The following ASCC3 variants were observed in gnomAD, a reference collection of about 807,000 sequenced individuals.
The protein encoded by ASCC3 is ASC-1 complex subunit P200.
Under a neutral mutation model 256.3 loss-of-function variants are expected in ASCC3, and 158 were observed. The ratio of observed to expected loss-of-function variants is 0.62; its 90% CI spans 0.54 to 0.70. The LOEUF (loss-of-function observed/expected upper bound fraction) is 0.70. ASCC3 is among the 30% of genes least tolerant of loss of function. ASCC3 has a pLI of 0.00. For synonymous variants in ASCC3, 948 were observed against 883.4 expected (o/e 1.07, Z -1.30); for missense variants, 2,259 against 2,626.0 (o/e 0.86, Z 3.05).
chr6:100,672,285 C>T (rs1380923390), intron 14 of ASCC3, among the ~76,000 whole-genome samples: 1 of 151,826 alleles, frequency 6.6e-6, no homozygotes. Context: ...CTACTTTTTC[C>T]TCCCTAAAAA....
At chr6:100,615,950 C>T (rs1427097841) in intron 30 of ASCC3, among the ~76,000 whole-genome samples, 1 of 152,112 alleles carries the variant, frequency 6.6e-6, no homozygotes, top group African/African-American at 2.4e-5. Context: ...GAATTTTGTA[C>T]CATGAACTAA....
intron 4 of ASCC3, among the ~76,000 whole-genome samples, chr6:100,820,385 G>T (rs1484314191): frequency 6.6e-6 from 1 of 152,126 alleles, no homozygotes; most frequent in Non-Finnish European, 1.5e-5. Flanking sequence ...TATTTAAAGG[G>T]AAAAGAAGAG....
chr6:100,562,280 T>A (rs1195455175), intron 36 of ASCC3, among the ~76,000 whole-genome samples: 1 of 152,110 alleles, frequency 6.6e-6, no homozygotes, highest in African/African-American at 2.4e-5. Context: ...AAACATAGTA[T>A]GAGAATGAAG....
At chr6:100,699,865 T>C (rs1778270785) in intron 13 of ASCC3, among the ~76,000 whole-genome samples, 1 of 152,184 alleles carries the variant, frequency 6.6e-6, no homozygotes, top group African/African-American at 2.4e-5. Context: ...ATTCAGGGTA[T>C]CTGCTGGAAG....
intron 4 of ASCC3, among the ~76,000 whole-genome samples, chr6:100,842,394 T>C (rs932257677): frequency 4.6e-5 from 7 of 152,200 alleles, no homozygotes; most frequent in Non-Finnish European, 1.0e-4. Flanking sequence ...TTCATAATCA[T>C]ACTAAAACAT....
At chr6:100,715,586 T>C in intron 12 of ASCC3, 53 bp from the exon 13 acceptor site, 1 of 1,499,934 alleles carries the variant, frequency 6.7e-7, no homozygotes, top group East Asian at 2.3e-5. Context: ...ATAAACTTTC[T>C]AACTACAAAT....
intron 4 of ASCC3, among the ~76,000 whole-genome samples, chr6:100,815,579 T>C (rs1216243297): frequency 2.0e-5 from 3 of 151,696 alleles, no homozygotes; most frequent in Non-Finnish European, 4.4e-5. Context: ...TATAGACAAA[T>C]AGAACAGGTT....
intron 8 of ASCC3, among the ~76,000 whole-genome samples, chr6:100,776,411 T>C (rs1782190002): frequency 6.6e-6 from 1 of 152,070 alleles, no homozygotes; most frequent in South Asian, 2.1e-4. Context: ...ACCAGAAACA[T>C]TTTAAGTGTT....
chr6:100,635,239 C>CAA (rs1211806293), intron 25 of ASCC3, among the ~76,000 whole-genome samples: 4 of 151,950 alleles, frequency 2.6e-5, no homozygotes, highest in African/African-American at 9.7e-5. Flanking sequence ...CACACACACA[C>CAA]AATGAAATAT....
At chr6:100,606,887 A>G in intron 31 of ASCC3, 27 bp from the exon 32 acceptor site, 1 of 1,605,240 alleles carries the variant, frequency 6.2e-7, no homozygotes, top group Non-Finnish European at 8.5e-7. Flanking sequence ...AATATCTTAT[A>G]TCTAAGTAAA....
intron 37 of ASCC3, among the ~76,000 whole-genome samples, chr6:100,522,811 A>T: frequency 6.6e-6 from 1 of 151,546 alleles, no homozygotes; most frequent in East Asian, 1.9e-4. Context: ...AAAGGTAAAG[A>T]AAACTGCCTA....
At chr6:100,636,474 A>G (rs1161211061) in intron 25 of ASCC3, among the ~76,000 whole-genome samples, 1 of 152,126 alleles carries the variant, frequency 6.6e-6, no homozygotes, top group African/African-American at 2.4e-5. Context: ...CTAAGACACA[A>G]CAATATTGAA....
intron 36 of ASCC3, among the ~76,000 whole-genome samples, chr6:100,545,172 C>T (rs1775650974): frequency 6.6e-6 from 1 of 151,662 alleles, no homozygotes; most frequent in Non-Finnish European, 1.5e-5. Flanking sequence ...ATAAATGGCA[C>T]TTCTTTTTTT....
At chr6:100,766,159 T>C (rs1781646614) in intron 10 of ASCC3, among the ~76,000 whole-genome samples, 1 of 152,198 alleles carries the variant, frequency 6.6e-6, no homozygotes, top group South Asian at 2.1e-4. Flanking sequence ...AAATAATGAA[T>C]GACCAAAAAG....
At chr6:100,662,132 T>C (rs1776250563) in intron 15 of ASCC3, 102 bp from the exon 16 acceptor site, 3 of 1,250,162 alleles carry the variant, frequency 2.4e-6, no homozygotes, top group South Asian at 1.3e-5. Context: ...ATCTCAAAAG[T>C]GTACTTTAAC....
At chr6:100,631,721 TG>T (rs1444732382) in intron 25 of ASCC3, among the ~76,000 whole-genome samples, 1 of 151,950 alleles carries the variant, frequency 6.6e-6, no homozygotes, top group Non-Finnish European at 1.5e-5. Context: ...TTTATGAAGA[TG>T]CTAGTAGTAT....
intron 13 of ASCC3, among the ~76,000 whole-genome samples, chr6:100,692,217 T>C (rs979665099): frequency 6.6e-6 from 1 of 152,110 alleles, no homozygotes; most frequent in African/African-American, 2.4e-5. Context: ...TGACTTTCTC[T>C]TTCTTGAACT....
At chr6:100,621,119 T>G (rs1773931367) in intron 30 of ASCC3, among the ~76,000 whole-genome samples, 1 of 152,128 alleles carries the variant, frequency 6.6e-6, no homozygotes, top group Non-Finnish European at 1.5e-5. Flanking sequence ...AAAGAAAATG[T>G]GGTACATATA....
At position 100,628,922 on chromosome 6, in the gene ASCC3, T is replaced by C. The variant is rs1774391495; in HGVS notation, c.4375+93A>G. ...AAAATCACATTGTGCCCTAGAAATA[T>C]ATATAAATATTACATGCAAATTAAA... On this transcript the variant is annotated intron_variant, in intron 27 of 41. Coordinates refer to ENST00000369162, the MANE Select transcript of ASCC3 (RefSeq NM_006828.4). 7.7e-6 allele frequency: 9 copies of C among 1,161,298 alleles called. No homozygotes were observed. The Admixed American group carries it at 1.9e-4, about 24-fold the overall frequency. The allele number at this position is 1,161,298 out of a possible 1,614,324, so 71.9% of individuals were successfully genotyped here.
Sources: allele counts gnomAD v4.1 joint callset (sites outside exome capture counted in the v4.1 genomes callset), GRCh38; gene constraint gnomAD v4.1.1; transcripts MANE v1.5; gene names NCBI Gene and HGNC (gene_info 2026-07-23, HGNC 2026-07-21).